The following NPAS3 variants were observed in gnomAD, a reference collection of about 807,000 sequenced individuals.
NPAS3 encodes the protein neuronal PAS domain protein 3.
Under a neutral mutation model 73.1 loss-of-function variants are expected in NPAS3, and 14 were observed. The observed-to-expected ratio is 0.19, with a 90% CI of 0.13 to 0.30. NPAS3 has a LOEUF of 0.30. Among genes scored for constraint, NPAS3 ranks in the 10% least tolerant of loss-of-function variants. NPAS3 has a pLI of 1.00. For missense variants in NPAS3, 1,096 were observed against 1,250.0 expected (o/e 0.88, Z 1.86); for synonymous variants, 620 against 541.5 (o/e 1.14, Z -2.01).
rs574696482 is a variant in NPAS3 at position 32,939,410 on chromosome 14, C to CCCG, written c.50+56_50+58dup. On this transcript the variant is annotated intron_variant, in intron 1 of 11. Coordinates refer to ENST00000356141, the Ensembl canonical transcript of NPAS3. ...TTGAACCTGCCGCCGGGCCGCTGCT[C>CCCG]CCGCCGCCGCCGCCTCCGCCGCCGA... 1.4e-3 allele frequency: 801 copies of CCCG among 592,260 alleles called. 3 individuals carry two copies. In the East Asian group the frequency reaches 0.015, roughly 11 times the overall value. The allele number at this position is 592,260 out of a possible 1,614,324, so 36.7% of individuals were successfully genotyped here. A position where few individuals can be genotyped will look rare whatever the true frequency, so the allele number is the denominator to read the frequency against.
chr14:33,197,267 G>GTGTGTGTGTGTGTGTGTGTGTGTGTT (rs1555353807), intron 2 of NPAS3, among the ~76,000 whole-genome samples: 3 of 148,834 alleles, frequency 2.0e-5, no homozygotes, highest in South Asian at 4.3e-4. Context: ...GTGTGTGTGT[G>GTGTGTGTGTGTGTGTGTGTGTGTGTT]TTCTTTTTCA....
At chr14:33,383,088 TAAAAAAAAAA>T (rs34877774) in intron 4 of NPAS3, among the ~76,000 whole-genome samples, 9 of 104,278 alleles carry the variant, frequency 8.6e-5, no homozygotes, top group Admixed American at 2.1e-4. Context: ...GACCCTGTCT[TAAAAAAAAAA>T]AAAAAAAAAA....
chr14:33,692,037 G>A (rs901778310), intron 6 of NPAS3, among the ~76,000 whole-genome samples: 3 of 152,192 alleles, frequency 2.0e-5, no homozygotes, highest in Admixed American at 6.5e-5. Flanking sequence ...TGAGCCCGGA[G>A]AGGGAATCCA....
rs148551118 is a variant in NPAS3, at chr14:32,991,683, C to T, written c.50+52317C>T. On this transcript the variant is annotated intron_variant, in intron 1 of 11. Coordinates refer to ENST00000356141, the Ensembl canonical transcript of NPAS3. The stretch of plus-strand genomic sequence containing the variant: ...ATCATAACCCATGATTAGTTTAAAG[C>T]GATTTGGATTATAAATGCTATCCCA... 3.5e-4 allele frequency among the ~76,000 whole-genome samples: 53 copies of T among 152,228 alleles called. No homozygotes were observed. The South Asian group carries it at 5.4e-3, about 15-fold the overall frequency.
intron 4 of NPAS3, among the ~76,000 whole-genome samples, chr14:33,409,754 A>G (rs1242989992): frequency 6.6e-6 from 1 of 152,176 alleles, no homozygotes; most frequent in Non-Finnish European, 1.5e-5. Flanking sequence ...GAGTAGGCAT[A>G]TTACTACAGA....
chr14:32,934,946 G>GCAC, upstream of NPAS3: 1 of 1,242,340 alleles, frequency 8.0e-7, no homozygotes, highest in Middle Eastern at 2.2e-4. This position sits in a 1 kb window ranked among gnomAD's most constrained non-coding sequence, Gnocchi z 4.1. Context: ...GGGAGGGCCG[G>GCAC]CGCCGCGGCC....
intron 4 of NPAS3, among the ~76,000 whole-genome samples, chr14:33,540,617 T>C (rs1274611266): frequency 6.6e-6 from 1 of 152,068 alleles, no homozygotes. Flanking sequence ...GGTAAACTTA[T>C]CTATTCTCTG....
intron 6 of NPAS3, chr14:33,681,182 G>A (rs532387592): frequency 2.0e-5 from 3 of 152,212 alleles, no homozygotes; most frequent in African/African-American, 7.2e-5. Flanking sequence ...CATAAAGAAC[G>A]TAAAAATTTA....
chr14:33,538,967 T>C (rs1197205419), intron 4 of NPAS3, among the ~76,000 whole-genome samples: 1 of 152,216 alleles, frequency 6.6e-6, no homozygotes, highest in Non-Finnish European at 1.5e-5. Context: ...CTTTATTTTA[T>C]TTGCTTTTGA....
intron 3 of NPAS3, among the ~76,000 whole-genome samples, chr14:33,223,016 T>C (rs1197557098): frequency 2.6e-5 from 4 of 152,094 alleles, no homozygotes; most frequent in African/African-American, 9.7e-5. Flanking sequence ...CGTGTGGATG[T>C]ACATGCAGAG....
At chr14:33,538,477 G>A (rs76955719) in intron 4 of NPAS3, among the ~76,000 whole-genome samples, 6,598 of 152,262 alleles carry the variant, frequency 0.043, 465 homozygotes, top group African/African-American at 0.15. Flanking sequence ...GAAGAGTAAA[G>A]TAATTCCTTA....
At chr14:33,793,446 A>C (rs1038736155) in intron 9 of NPAS3, among the ~76,000 whole-genome samples, 5 of 152,246 alleles carry the variant, frequency 3.3e-5, no homozygotes, top group South Asian at 2.1e-4. Flanking sequence ...ACGGAGGAGA[A>C]ACGATCAAAG....
rs183283506 is a variant in NPAS3, at chr14:33,215,834, C to T, written c.385+408C>T. On this transcript the variant is annotated intron_variant, in intron 3 of 11. Coordinates refer to ENST00000356141, the Ensembl canonical transcript of NPAS3. ...CCAAAGAAAGGCAGGGAGCATAGCT[C>T]TTCCATCTTTAGCAGGCATTTTAAG... 2.4e-3 allele frequency among the ~76,000 whole-genome samples: 368 copies of T among 152,310 alleles called. 8 individuals carry two copies. Among genetic ancestry groups the T allele is most frequent in the Non-Finnish European group, 2.6e-3 (177 of 68,032 alleles).
At chr14:33,755,457 G>C (rs750798765) in intron 7 of NPAS3, among the ~76,000 whole-genome samples, 7 of 152,160 alleles carry the variant, frequency 4.6e-5, no homozygotes, top group Non-Finnish European at 1.5e-5. Context: ...AATAAAAGTA[G>C]GAAAATAGCT....
chr14:33,703,512 C>T (rs1265968225), intron 6 of NPAS3, among the ~76,000 whole-genome samples: 1 of 152,006 alleles, frequency 6.6e-6, no homozygotes, highest in African/African-American at 2.4e-5. Context: ...ATCATTGACT[C>T]ATTCATTTAT....
chr14:33,214,957 C>A, intron 2 of NPAS3: 3 of 543,824 alleles, frequency 5.5e-6, no homozygotes, highest in Non-Finnish European at 6.5e-6. Context: ...ACAAGTAAAA[C>A]ACAATTTTTA....
At chr14:33,238,783 A>C (rs1286613774) in intron 3 of NPAS3, among the ~76,000 whole-genome samples, 1 of 151,938 alleles carries the variant, frequency 6.6e-6, no homozygotes. Context: ...TCTTTTACCA[A>C]GGCAAATGGT....
At chr14:33,367,310 G>GA (rs369897760) in intron 4 of NPAS3, 42 bp downstream of exon 4, 12 of 803,216 alleles carry the variant, frequency 1.5e-5, no homozygotes, top group South Asian at 6.1e-5. Flanking sequence ...ATTTTACTAA[G>GA]AAAAAACCAT....
At chr14:33,204,589 A>G (rs916638283) in intron 2 of NPAS3, among the ~76,000 whole-genome samples, 1 of 152,130 alleles carries the variant, frequency 6.6e-6, no homozygotes, top group African/African-American at 2.4e-5. Context: ...GTTTTCAAGG[A>G]TGTGACACAC....
Sources: gnomAD v4.1 joint callset for allele counts (sites outside exome capture counted in the v4.1 genomes callset) on GRCh38, gnomAD v4.1.1 for gene constraint, Gnocchi (gnomAD v3.1) non-coding constraint, MANE v1.5 for transcripts, NCBI Gene and HGNC (gene_info 2026-07-23, HGNC 2026-07-21) for gene names.